The following DGKD variants were observed in gnomAD, a reference collection of about 807,000 sequenced individuals.
DGKD encodes the protein diacylglycerol kinase delta, also known as DAG kinase delta.
In DGKD, 68 loss-of-function variants were observed where a neutral mutation model predicts 154.4. That is an observed-to-expected ratio of 0.44 (90% CI 0.36 to 0.54). The LOEUF (loss-of-function observed/expected upper bound fraction) is 0.54. Among genes scored for constraint, DGKD ranks in the 20% least tolerant of loss-of-function variants. DGKD has a pLI of 0.00. For missense variants in DGKD, 1,343 were observed against 1,593.6 expected (o/e 0.84, Z 2.68); for synonymous variants, 693 against 638.0 (o/e 1.09, Z -1.30).
Position 233,457,307 on chromosome 2 carries a change from G to A in DGKD, c.2559G>A (p.Trp853Ter), listed in dbSNP as rs373144975. ...IPSYAGGTNF[W>*]GGTKEDDTFA... ...GCTATGCCGGAGGAACCAACTTCTGGGGGGGTACCAAGGAAGATGATGTAT... is the reference window on the plus strand; with the variant it reads ...GCTATGCCGGAGGAACCAACTTCTGAGGGGGTACCAAGGAAGATGATGTAT... Residue 853 changes from tryptophan (W) to a stop codon, truncating the protein, a stop_gained, in exon 21 of 30, where the codon TGG becomes TGA. Coordinates refer to ENST00000264057, the MANE Select transcript of DGKD (RefSeq NM_152879.3). LOFTEE classifies it high-confidence loss of function. The surrounding 1 kb of genome is among the most constrained non-coding windows in gnomAD (Gnocchi z 5.5). The A allele has an allele frequency of 6.5e-7, 1 of 1,537,088 alleles. No individual in the cohort carries two copies. The highest frequency in any genetic ancestry group is 1.4e-5 in the African/African-American group (1 of 72,812).
chr2:233,381,852 G>T (rs1702921887), intron 1 of DGKD, among the ~76,000 whole-genome samples: 1 of 152,160 alleles, frequency 6.6e-6, no homozygotes. Flanking sequence ...TTGTTAACTG[G>T]AATACTAGTT....
chr2:233,378,794 G>A (rs1294116241), intron 1 of DGKD, among the ~76,000 whole-genome samples: 1 of 152,192 alleles, frequency 6.6e-6, no homozygotes, highest in African/African-American at 2.4e-5. Context: ...TCCTGGCGAG[G>A]TGTAGTGGCT....
intron 12 of DGKD, chr2:233,447,770 T>C: frequency 8.9e-7 from 1 of 1,117,620 alleles, no homozygotes; most frequent in Non-Finnish European, 1.1e-6. Flanking sequence ...CCCGCCAGCA[T>C]GCCGCTGTCA....
At chr2:233,411,095 TTGG>T (rs1175648158) in intron 3 of DGKD, among the ~76,000 whole-genome samples, 2 of 152,242 alleles carry the variant, frequency 1.3e-5, no homozygotes, top group African/African-American at 4.8e-5. Flanking sequence ...GTCTATTCTA[TTGG>T]TGGGCATTTA....
chr2:233,380,801 G>A (rs1702859017), intron 1 of DGKD, among the ~76,000 whole-genome samples: 1 of 152,164 alleles, frequency 6.6e-6, no homozygotes, highest in African/African-American at 2.4e-5. Context: ...GGGGGTTTGG[G>A]CATACACATC....
chr2:233,449,583 G>C lies in DGKD; in HGVS notation c.1888+207G>C, dbSNP rs548497164. ...TCACACCCTCAGACCCCTTCATGCT[G>C]CCTCCCCTCGACCTCTTTCCTGGCC... On this transcript the variant is annotated intron_variant, in intron 15 of 29. Coordinates refer to ENST00000264057, the MANE Select transcript of DGKD (RefSeq NM_152879.3). The surrounding 1 kb of genome is among the most constrained non-coding windows in gnomAD (Gnocchi z 5.3). Among the ~76,000 whole-genome samples, 1 of 152,162 alleles carries C rather than the reference G, an allele frequency of 6.6e-6. No homozygotes were observed. The highest frequency in any genetic ancestry group is 2.4e-5 in the African/African-American group (1 of 41,528).
chr2:233,443,444 A>G (rs2062963235), intron 10 of DGKD, among the ~76,000 whole-genome samples: 1 of 151,958 alleles, frequency 6.6e-6, no homozygotes, highest in East Asian at 1.9e-4. Context: ...GTCGTTTGTC[A>G]GTTCAACATC....
At chr2:233,417,660 T>C (rs2061992410) in intron 3 of DGKD, among the ~76,000 whole-genome samples, 2 of 152,184 alleles carry the variant, frequency 1.3e-5, no homozygotes, top group Non-Finnish European at 1.5e-5. Flanking sequence ...GATAATTAAG[T>C]GCAGATAACC....
intron 14 of DGKD, 146 bp from the exon 15 acceptor site, chr2:233,448,957 G>T (rs569176775): frequency 1.1e-5 from 11 of 1,041,924 alleles, no homozygotes; most frequent in Non-Finnish European, 1.4e-5. Context: ...AGTAGCCTCT[G>T]GTCTTTTTGT....
chr2:233,358,088 C>T (rs1295628525), intron 1 of DGKD, among the ~76,000 whole-genome samples: 2 of 152,170 alleles, frequency 1.3e-5, no homozygotes, highest in Non-Finnish European at 2.9e-5. Flanking sequence ...TTGAAGCTGT[C>T]CACAGCAAAG....
In DGKD at chr2:233,438,151, C is replaced by A; in HGVS notation, c.923-66C>A. On this transcript the variant is annotated intron_variant, in intron 8 of 29. Transcript: ENST00000264057. This position sits in a 1 kb window ranked among gnomAD's most constrained non-coding sequence, Gnocchi z 4.1. ...TTGGGGGGGTCTGCTGCTGCTGATT[C>A]CATCAGTGGTGCCCTCAGCGTCTTC... 10 of 1,545,908 alleles carry A rather than the reference C, an allele frequency of 6.5e-6. No homozygotes were observed. Among genetic ancestry groups the A allele is most frequent in the South Asian group, 1.2e-5 (1 of 83,644 alleles).
At chr2:233,464,431 T>A in intron 27 of DGKD, 148 bp downstream of exon 27, 4 of 990,964 alleles carry the variant, frequency 4.0e-6, no homozygotes, top group Non-Finnish European at 6.0e-6. Flanking sequence ...ACTTCGCTAT[T>A]AAAATGCTCT....
At chr2:233,446,642 G>A (rs967519972) in intron 11 of DGKD, 70 bp from the exon 12 acceptor site, 44 of 1,507,006 alleles carry the variant, frequency 2.9e-5, no homozygotes, top group African/African-American at 8.3e-5. Context: ...CCGTGAAAGC[G>A]GACGGCGCAG....
In DGKD at chr2:233,450,135, C is replaced by T; in HGVS notation, c.2038+4C>T. ...AAGGGGAGGAGCCAGCGCAAAGGTACTTGTGCCTCCACCTCCCTCTGCGCA... is the reference window on the plus strand; with the variant it reads ...AAGGGGAGGAGCCAGCGCAAAGGTATTTGTGCCTCCACCTCCCTCTGCGCA... On this transcript the variant is annotated splice_donor_region_variant and intron_variant, in intron 16 of 29. Coordinates refer to ENST00000264057, the MANE Select transcript of DGKD (RefSeq NM_152879.3). 1 of 1,604,692 alleles carries T rather than the reference C, an allele frequency of 6.2e-7. No homozygotes were observed. The highest frequency in any genetic ancestry group is 2.2e-5 in the East Asian group (1 of 44,636).
rs1703526456 is a variant in DGKD at position 233,390,479 on chromosome 2, T to G, written c.344T>G (p.Phe115Cys). 1 of 1,613,506 alleles carries G rather than the reference T, an allele frequency of 6.2e-7. No individual in the cohort carries two copies. The highest frequency in any genetic ancestry group is 1.3e-5 in the African/African-American group (1 of 74,906). ...ESSTKNVNNSFTVITPCRKLI... is the reference protein window; with the variant it reads ...ESSTKNVNNSCTVITPCRKLI... ...AGTACCAAAAACGTCAACAACAGTT[T>G]TACGGTAAGATTCCTCAGTCATGCC... The change falls in exon 3 of 30, where the codon TTT becomes TGT. Residue 115 changes from phenylalanine (F) to cysteine (C), a missense_variant. Phe to Cys is a radical substitution (Grantham distance 205). Coordinates refer to ENST00000264057, the MANE Select transcript of DGKD (RefSeq NM_152879.3).
In DGKD at chr2:233,468,540, G is replaced by A. The variant is rs373027722; in HGVS notation, c.3542G>A (p.Arg1181Gln). 31 of 1,613,728 alleles carry A rather than the reference G, an allele frequency of 1.9e-5. No individual in the cohort carries two copies. The highest frequency in any genetic ancestry group is 3.3e-5 in the Admixed American group (2 of 59,994). ...IRGSELLHLE[R>Q]RDLKDLGVTK... ...GGCTCTGAGCTCCTGCACCTGGAGCGGAGGGACCTCAAGGTACTTCCATAG... is the reference window on the plus strand; with the variant it reads ...GGCTCTGAGCTCCTGCACCTGGAGCAGAGGGACCTCAAGGTACTTCCATAG... Residue 1181 changes from arginine (R) to glutamine (Q), a missense_variant, in exon 29 of 30, where the codon CGG becomes CAG. Transcript: ENST00000264057.
chr2:233,363,135 G>A (rs967095031), intron 1 of DGKD, among the ~76,000 whole-genome samples: 8 of 152,152 alleles, frequency 5.3e-5, no homozygotes, highest in African/African-American at 1.9e-4. Flanking sequence ...GCCTCAAGCA[G>A]GTCCTTCAGG....
At chr2:233,431,134 G>T (rs970185738) in intron 3 of DGKD, among the ~76,000 whole-genome samples, 5 of 152,300 alleles carry the variant, frequency 3.3e-5, no homozygotes, top group Admixed American at 1.3e-4. Flanking sequence ...TAGAGTTGCA[G>T]GATCCAAAAT....
At chr2:233,403,583 TAG>T (rs1270587950) in intron 3 of DGKD, among the ~76,000 whole-genome samples, 1 of 151,466 alleles carries the variant, frequency 6.6e-6, no homozygotes, top group African/African-American at 2.4e-5. Context: ...AAAAGTAAAA[TAG>T]GGAGAAAATG....
Sources: gnomAD v4.1 joint callset for allele counts (sites outside exome capture counted in the v4.1 genomes callset) on GRCh38, gnomAD v4.1.1 for gene constraint, Gnocchi (gnomAD v3.1) non-coding constraint, MANE v1.5 for transcripts, NCBI Gene and HGNC (gene_info 2026-07-23, HGNC 2026-07-21) for gene names.